Variants in CHLSN observed in about 807,000 individuals in gnomAD.
CHLSN encodes protein cholesin.
the CHLSN span, among the ~76,000 whole-genome samples, chr7:1,137,123 C>T: frequency 1.4e-3 from 220 of 152,310 alleles, 1 homozygote; most frequent in African/African-American, 4.8e-3. Context: ...GCCCTGGCCC[C>T]TCCTCGCATC....
At chr7:1,032,384 A>G in the CHLSN span, among the ~76,000 whole-genome samples, 1 of 152,140 alleles carries the variant, frequency 6.6e-6, no homozygotes, top group African/African-American at 2.4e-5. Context: ...ACGAGAATCC[A>G]CTGTGGAGGT....
chr7:1,093,736 C>T, the CHLSN span: 3 of 458,512 alleles, frequency 6.5e-6, no homozygotes, highest in African/African-American at 2.0e-5. Flanking sequence ...ATGTAAAAAC[C>T]TTCCCATAAA....
At chr7:1,065,483 G>A in the CHLSN span, among the ~76,000 whole-genome samples, 1 of 152,256 alleles carries the variant, frequency 6.6e-6, no homozygotes, top group Non-Finnish European at 1.5e-5. Flanking sequence ...ACTCGTCAGC[G>A]AAATGGACCC....
chr7:1,132,662 C>T, the CHLSN span, among the ~76,000 whole-genome samples: 3 of 148,616 alleles, frequency 2.0e-5, no homozygotes, highest in Admixed American at 2.0e-4. Flanking sequence ...CCACTGCAAC[C>T]CAGCCTGGAC....
At chr7:1,114,390 G>C in the CHLSN span, among the ~76,000 whole-genome samples, 2 of 152,230 alleles carry the variant, frequency 1.3e-5, no homozygotes, top group African/African-American at 4.8e-5. Context: ...ATGCGCCCCT[G>C]TCACCAGCGT....
chr7:1,096,220 G>T, the CHLSN span, among the ~76,000 whole-genome samples: 1 of 152,338 alleles, frequency 6.6e-6, no homozygotes, highest in South Asian at 2.1e-4. This position sits in a 1 kb window ranked among gnomAD's most constrained non-coding sequence, Gnocchi z 4.6. Flanking sequence ...CTTGCCCAAG[G>T]CTCTGGGCAG....
At chr7:1,009,014 CAT>C in the CHLSN span, among the ~76,000 whole-genome samples, 13 of 104,414 alleles carry the variant, frequency 1.2e-4, no homozygotes, top group East Asian at 9.9e-4. Context: ...CACACACACA[CAT>C]ACACATGCAC....
the CHLSN span, among the ~76,000 whole-genome samples, chr7:1,048,702 C>G: frequency 6.6e-6 from 1 of 152,214 alleles, no homozygotes; most frequent in East Asian, 1.9e-4. Context: ...GCCAACGTCT[C>G]ACTTGAAATG....
At chr7:985,099 G>A in the CHLSN span, 1 of 1,611,750 alleles carries the variant, frequency 6.2e-7, no homozygotes, top group Non-Finnish European at 8.5e-7. Flanking sequence ...TGGCTACAGA[G>A]GTGAGCAGGG....
At chr7:1,041,387 A>G in the CHLSN span, among the ~76,000 whole-genome samples, 164 of 126,492 alleles carry the variant, frequency 1.3e-3, 3 homozygotes, top group South Asian at 6.3e-3. Context: ...GGGGAACGGG[A>G]CCTGGGGTCC....
At chr7:1,028,983 T>C in the CHLSN span, 1 of 200,588 alleles carries the variant, frequency 5.0e-6, no homozygotes, top group Non-Finnish European at 8.7e-6. Flanking sequence ...GGCATCCACG[T>C]GTCCAGCAAA....
the CHLSN span, among the ~76,000 whole-genome samples, chr7:1,120,747 C>T: frequency 3.3e-5 from 5 of 152,338 alleles, no homozygotes; most frequent in Admixed American, 6.5e-5. Context: ...CCCTAGTAAA[C>T]GGGTGAGAGA....
chr7:1,136,399 A>AACATAT, the CHLSN span, among the ~76,000 whole-genome samples: 510 of 112,314 alleles, frequency 4.5e-3, 62 homozygotes, highest in African/African-American at 0.019. Context: ...CATATATATA[A>AACATAT]ATATATATAA....
chr7:1,054,756 C>A, the CHLSN span, among the ~76,000 whole-genome samples: 1 of 152,202 alleles, frequency 6.6e-6, no homozygotes. Flanking sequence ...GTGTGTGGGG[C>A]CGGCTCAGCT....
At chr7:1,000,507 T>C in the CHLSN span, 1 of 1,609,524 alleles carries the variant, frequency 6.2e-7, no homozygotes, top group Admixed American at 1.7e-5. Context: ...GAGCCACGTC[T>C]GCCTCGTCTT....
the CHLSN span, among the ~76,000 whole-genome samples, chr7:1,066,971 C>T: frequency 2.2e-5 from 3 of 139,014 alleles, no homozygotes; most frequent in East Asian, 4.4e-4. Flanking sequence ...CTGGAGTGCA[C>T]CCAGAGGTGA....
chr7:1,031,975 C>T, the CHLSN span, among the ~76,000 whole-genome samples: 3 of 152,116 alleles, frequency 2.0e-5, no homozygotes, highest in African/African-American at 7.2e-5. Context: ...GGTCACCAAA[C>T]CTTCCCCAGG....
the CHLSN span, among the ~76,000 whole-genome samples, chr7:1,097,527 C>T: frequency 3.1e-3 from 471 of 152,136 alleles, 1 homozygote; most frequent in African/African-American, 0.011. This position sits in a 1 kb window ranked among gnomAD's most constrained non-coding sequence, Gnocchi z 4.3. Context: ...GGAAGAGTCT[C>T]GTTTCTAATA....
At chr7:1,078,243 C>T in the CHLSN span, among the ~76,000 whole-genome samples, 18 of 152,136 alleles carry the variant, frequency 1.2e-4, 1 homozygote, top group South Asian at 1.2e-3. Flanking sequence ...GGAGACAGTT[C>T]GCGTGGCAGA....
Sources: gnomAD v4.1 joint callset for allele counts (sites outside exome capture counted in the v4.1 genomes callset) on GRCh38, gnomAD v4.1.1 for gene constraint, Gnocchi (gnomAD v3.1) non-coding constraint, MANE v1.5 for transcripts, NCBI Gene and HGNC (gene_info 2026-07-23, HGNC 2026-07-21) for gene names.